Variants in TMEM255A observed in about 807,000 individuals in gnomAD.
The protein encoded by TMEM255A is family with sequence similarity 70, member A.
Under a neutral mutation model 23.5 loss-of-function variants are expected in TMEM255A, and 14 were observed. The ratio of observed to expected loss-of-function variants is 0.60; its 90% CI spans 0.39 to 0.93. The LOEUF is 0.93. TMEM255A is among the 40% of genes least tolerant of loss of function. The pLI, the probability that TMEM255A is intolerant of heterozygous loss-of-function variation, is 0.00. For synonymous variants in TMEM255A, 104 were observed against 100.3 expected (o/e 1.04, Z -0.22); for missense variants, 233 against 261.7 (o/e 0.89, Z 0.76).
chrX:120,253,078 C>T, the TMEM255A span, among the ~76,000 whole-genome samples: 2 of 111,744 alleles, frequency 1.8e-5, no homozygotes, highest in African/African-American at 3.3e-5. Flanking sequence ...GGAGAGAAAA[C>T]CCAAAATTGG....
chrX:120,257,452 T>C (rs188822549), downstream of TMEM255A: 27 of 123,141 alleles, frequency 2.2e-4, no homozygotes, highest in Admixed American at 2.0e-3. Context: ...ATAATAAAAC[T>C]TGGCAGATTC....
At chrX:120,264,112 G>T (rs1556017131) in intron 8 of TMEM255A, among the ~76,000 whole-genome samples, 1 of 111,503 alleles carries the variant, frequency 9.0e-6, no homozygotes, top group Non-Finnish European at 1.9e-5. Context: ...AGTAAAGTAG[G>T]GGTACTGGCC....
chrX:120,291,671 T>C (rs782433141), intron 3 of TMEM255A, among the ~76,000 whole-genome samples: 9 of 105,987 alleles, frequency 8.5e-5, no homozygotes, highest in East Asian at 2.9e-4. Context: ...AGAAATAATG[T>C]TGGACTTTTG....
Position 120,269,154 on chromosome X carries a change from A to C in TMEM255A, c.676-767T>G, listed in dbSNP as rs868939230. Among the ~76,000 whole-genome samples, 4 of 109,713 alleles carry C rather than the reference A, an allele frequency of 3.6e-5. No homozygotes were observed. The Middle Eastern group carries it at 0.014, about 390-fold the overall frequency. On this transcript the variant is annotated intron_variant, in intron 7 of 8. Coordinates refer to ENST00000371369, the MANE Select transcript of TMEM255A (RefSeq NM_001104544.3). ...CTTTTTTTTTTTTGCAAATAAAACGATGCAGACATAATTTTATATCCTTTT... is the reference window on the plus strand; with the variant it reads ...CTTTTTTTTTTTTGCAAATAAAACGCTGCAGACATAATTTTATATCCTTTT...
intron 5 of TMEM255A, chrX:120,285,913 A>C: frequency 8.5e-7 from 1 of 1,178,583 alleles, no homozygotes; most frequent in African/African-American, 1.8e-5. Context: ...GAAATTGTCC[A>C]GCTCTCTCCC....
chrX:120,254,602 C>G (rs377552387), downstream of TMEM255A: 7 of 1,209,749 alleles, frequency 5.8e-6, no homozygotes, highest in African/African-American at 3.5e-5. Context: ...GATATAATTA[C>G]TAGAAATACT....
chrX:120,282,934 T>C (rs782689566), intron 6 of TMEM255A, among the ~76,000 whole-genome samples: 2 of 111,106 alleles, frequency 1.8e-5, no homozygotes, highest in Non-Finnish European at 3.8e-5. Flanking sequence ...CAGGCCCAGT[T>C]CTGGCCAGCT....
intron 2 of TMEM255A, among the ~76,000 whole-genome samples, chrX:120,302,612 G>A (rs5909697): frequency 0.11 from 12,193 of 108,566 alleles, 582 homozygotes; most frequent in South Asian, 0.26. Context: ...CACATCACAT[G>A]TTTAACACAG....
At position 120,260,004 on chromosome X, in the gene TMEM255A, T is replaced by A. The variant is rs140225950; in HGVS notation, c.*866A>T. 1.7e-4 allele frequency: 59 copies of A among 341,627 alleles called. No homozygotes were observed. The highest frequency in any genetic ancestry group is 1.0e-3 in the African/African-American group (35 of 35,088). The allele number at this position is 341,627 out of a possible 1,213,427, so 28.2% of individuals were successfully genotyped here. On this transcript the variant is annotated 3_prime_UTR_variant, in exon 9 of 9. Transcript: ENST00000371369. The stretch of plus-strand genomic sequence containing the variant: ...TTGAAGATTAAATAGTCACAAAGAT[T>A]AGTAACAATTCATATCACGACCCAA...
intron 1 of TMEM255A, among the ~76,000 whole-genome samples, chrX:120,304,983 G>A (rs782542380): frequency 7.2e-5 from 8 of 111,727 alleles, no homozygotes; most frequent in African/African-American, 2.6e-4. Context: ...CCAAGTTACT[G>A]GGATTTTTTT....
chrX:120,310,732 C>T (rs1323127625), intron 1 of TMEM255A, among the ~76,000 whole-genome samples: 1 of 45,962 alleles, frequency 2.2e-5, no homozygotes, highest in Non-Finnish European at 3.5e-5. Flanking sequence ...GCAACCCGCC[C>T]CCCCCCCCCA....
At chrX:120,257,903 C>T (rs1196921066), downstream of TMEM255A, 3 of 122,849 alleles carry the variant, frequency 2.4e-5, no homozygotes, top group Non-Finnish European at 5.7e-5. Context: ...AAATTTGCTC[C>T]TATGCTAAAT....
At chrX:120,294,524 C>T (rs1372692319) in intron 2 of TMEM255A, among the ~76,000 whole-genome samples, 1 of 111,561 alleles carries the variant, frequency 9.0e-6, no homozygotes, top group Admixed American at 9.5e-5. Flanking sequence ...ATTTTTCCCA[C>T]CATTTGCCAG....
In TMEM255A at chrX:120,268,393, G is replaced by T. The variant is rs782149620; in HGVS notation, c.676-6C>A. The T allele has an allele frequency of 1.0e-5, 12 of 1,186,533 alleles. 1 individual carries two copies. The highest frequency in any genetic ancestry group is 1.4e-5 in the Non-Finnish European group (12 of 882,865). ...AGTGCTGGGAGAGTTGGGTTCTGTA[G>T]AAAAACACAAATTAGAAACAACATA... On this transcript the variant is annotated splice_polypyrimidine_tract_variant and splice_region_variant and intron_variant, in intron 7 of 8. Coordinates refer to ENST00000371369, the MANE Select transcript of TMEM255A (RefSeq NM_001104544.3).
chrX:120,266,878 A>G (rs782322600), intron 8 of TMEM255A, among the ~76,000 whole-genome samples: 2 of 112,459 alleles, frequency 1.8e-5, no homozygotes, highest in South Asian at 3.7e-4. Flanking sequence ...TATTTGGGTA[A>G]CAAGTTACCT....
intron 1 of TMEM255A, among the ~76,000 whole-genome samples, chrX:120,304,867 G>C (rs1204739609): frequency 2.7e-5 from 3 of 111,310 alleles, no homozygotes; most frequent in Non-Finnish European, 3.8e-5. Context: ...GTGTGGGGGA[G>C]GGGGTATTAA....
At chrX:120,281,483 A>G (rs886505899) in intron 6 of TMEM255A, among the ~76,000 whole-genome samples, 2 of 112,241 alleles carry the variant, frequency 1.8e-5, no homozygotes, top group Admixed American at 9.3e-5. Context: ...AGGCAGTGGC[A>G]ATGGCCAGCC....
intron 2 of TMEM255A, among the ~76,000 whole-genome samples, chrX:120,298,911 G>A (rs1243316442): frequency 3.8e-5 from 4 of 104,307 alleles, no homozygotes; most frequent in African/African-American, 1.4e-4. Context: ...GAGAGATCAG[G>A]GAGGATATTC....
chrX:120,254,421 G>A, downstream of TMEM255A: 1 of 1,210,464 alleles, frequency 8.3e-7, no homozygotes. Flanking sequence ...GGAAATAATA[G>A]ATGATGATGA....
Sources: gnomAD v4.1 joint callset for allele counts (sites outside exome capture counted in the v4.1 genomes callset) on GRCh38, gnomAD v4.1.1 for gene constraint, MANE v1.5 for transcripts, NCBI Gene and HGNC (gene_info 2026-07-23, HGNC 2026-07-21) for gene names.